The following NDUFC1 variants were observed in gnomAD, a reference collection of about 807,000 sequenced individuals.
NDUFC1 encodes the protein NADH dehydrogenase [ubiquinone] 1 subunit C1, mitochondrial.
NDUFC1 carries 11 observed loss-of-function variants against 11.6 expected under a neutral mutation model. The observed-to-expected ratio is 0.95, with a 90% confidence interval of 0.60 to 1.58. NDUFC1 has a LOEUF of 1.58. Ranked by LOEUF, NDUFC1 falls within the 40% of genes most tolerant of loss-of-function variation. NDUFC1 has a pLI of 0.00. For missense variants in NDUFC1, 112 were observed against 93.0 expected, an observed-to-expected ratio of 1.20 and a Z score of -0.84; for synonymous variants, 52 against 42.2, an observed-to-expected ratio of 1.23 and a Z score of -0.90.
intron 1 of NDUFC1, among the ~76,000 whole-genome samples, chr4:139,300,384 T>C (rs1486231973): frequency 6.6e-6 from 1 of 152,124 alleles, no homozygotes; most frequent in African/African-American, 2.4e-5. Context: ...AGTTTGAAAA[T>C]TAAAATATCT....
At chr4:139,295,251 C>T (rs911171833) in intron 3 of NDUFC1, 105 bp from the exon 4 acceptor site, 1 of 841,158 alleles carries the variant, frequency 1.2e-6, no homozygotes, top group African/African-American at 1.7e-5. Context: ...CTTCAACTCC[C>T]CCATCTCCCA....
At chr4:139,297,123 T>C (rs1326187313) in intron 2 of NDUFC1, among the ~76,000 whole-genome samples, 1 of 152,182 alleles carries the variant, frequency 6.6e-6, no homozygotes. Context: ...CGCCACTTAT[T>C]GTCCACTCAG....
intron 1 of NDUFC1, among the ~76,000 whole-genome samples, chr4:139,297,947 G>C (rs1303582398): frequency 1.3e-5 from 2 of 152,158 alleles, no homozygotes. Flanking sequence ...GTGCATGTCT[G>C]TGGTTCCAGC....
intron 1 of NDUFC1, among the ~76,000 whole-genome samples, chr4:139,298,724 A>AGAG (rs1745579284): frequency 2.0e-5 from 3 of 150,758 alleles, no homozygotes; most frequent in Non-Finnish European, 4.4e-5. Context: ...CCCAGGCCGG[A>AGAG]GAGCAGAGGT....
chr4:139,292,822 A>T (rs990685531), intron 4 of NDUFC1, among the ~76,000 whole-genome samples: 67 of 150,880 alleles, frequency 4.4e-4, no homozygotes, highest in Admixed American at 1.7e-3. Flanking sequence ...ATATATATAT[A>T]TATTTATTTA....
At chr4:139,293,227 T>C (rs1745308693) in intron 4 of NDUFC1, among the ~76,000 whole-genome samples, 1 of 152,200 alleles carries the variant, frequency 6.6e-6, no homozygotes, top group Non-Finnish European at 1.5e-5. Context: ...ACAGCACAAC[T>C]TGGTTATTAA....
chr4:139,291,385 G>A (rs557385620), intron 5 of NDUFC1, among the ~76,000 whole-genome samples: 6 of 151,850 alleles, frequency 4.0e-5, no homozygotes, highest in African/African-American at 1.4e-4. Context: ...GACCATCCTG[G>A]CCAACATGGG....
chr4:139,291,443 C>T (rs1017838008), intron 5 of NDUFC1, among the ~76,000 whole-genome samples: 6 of 151,860 alleles, frequency 4.0e-5, no homozygotes, highest in Non-Finnish European at 7.4e-5. Flanking sequence ...GGCGTGGTAG[C>T]GCGCACCTGT....
rs535086814 is a variant in NDUFC1, at chr4:139,297,599, G to C, written c.-221-156C>G. Among the ~76,000 whole-genome samples, 29 of 152,268 alleles carry C rather than the reference G, an allele frequency of 1.9e-4. No homozygotes were observed. The South Asian group carries it at 6.0e-3, about 32-fold the overall frequency. On this transcript the variant is annotated intron_variant, in intron 1 of 5. Coordinates refer to ENST00000394223, the MANE Select transcript of NDUFC1 (RefSeq NM_001184989.2). ...GTGAAAAGAGAGAGGATTTGAGTTAGCAGCTAGAAAAGCAAAGTTTCAGTC... is the reference window on the plus strand; with the variant it reads ...GTGAAAAGAGAGAGGATTTGAGTTACCAGCTAGAAAAGCAAAGTTTCAGTC...
At chr4:139,296,072 T>C (rs1018859291) in intron 2 of NDUFC1, 112 bp from the exon 3 acceptor site, 4 of 467,444 alleles carry the variant, frequency 8.6e-6, no homozygotes, top group African/African-American at 8.2e-5. Flanking sequence ...AGAGGTTTAT[T>C]AAAATTTTCC....
At position 139,295,119 on chromosome 4, in the gene NDUFC1, C is replaced by A; in HGVS notation, c.95G>T (p.Arg32Leu). The part of the protein sequence containing the change: ...GPSVRSKFYV[R>L]EPPNAKPDWL... ...GTCAGGTTTGGCATTCGGCGGCTCT[C>A]GCACGTAGAACTTTGATCGCACTGA... is the stretch of plus-strand genomic sequence containing the variant. The change falls in exon 4 of 6, where the codon CGA becomes CTA. Residue 32 changes from arginine (R) to leucine (L), a missense_variant. Transcript: ENST00000394223. The A allele has an allele frequency of 6.2e-7, 1 of 1,614,160 alleles. No individual in the cohort carries two copies. The highest frequency in any genetic ancestry group is 1.1e-5 in the South Asian group (1 of 91,090).
intron 5 of NDUFC1, among the ~76,000 whole-genome samples, chr4:139,290,823 G>T (rs1252311688): frequency 6.6e-6 from 1 of 151,684 alleles, no homozygotes; most frequent in African/African-American, 2.4e-5. Context: ...TTGAGACAGA[G>T]TCTTGTTCTG....
intron 1 of NDUFC1, among the ~76,000 whole-genome samples, chr4:139,298,742 C>T (rs963224603): frequency 1.3e-5 from 2 of 151,564 alleles, no homozygotes; most frequent in African/African-American, 2.4e-5. Context: ...GGTGTCATCA[C>T]AGCTCACTGC....
At chr4:139,295,375 G>A (rs1745417440) in intron 3 of NDUFC1, among the ~76,000 whole-genome samples, 1 of 152,186 alleles carries the variant, frequency 6.6e-6, no homozygotes, top group Non-Finnish European at 1.5e-5. Flanking sequence ...CCTCGTTTAA[G>A]GGCTTGCGGA....
chr4:139,302,006 C>T (rs937593371), intron 1 of NDUFC1: 1 of 613,272 alleles, frequency 1.6e-6, no homozygotes. Flanking sequence ...TACTATGGCC[C>T]GCGCGCCAGG....
chr4:139,294,683 C>A (rs1418426723), intron 4 of NDUFC1, among the ~76,000 whole-genome samples: 1 of 149,418 alleles, frequency 6.7e-6, no homozygotes, highest in African/African-American at 2.5e-5. Context: ...TTCAGTGAGC[C>A]GAGATCACGC....
intron 1 of NDUFC1, among the ~76,000 whole-genome samples, chr4:139,300,136 G>A (rs1240350752): frequency 1.3e-5 from 2 of 152,152 alleles, no homozygotes; most frequent in African/African-American, 4.8e-5. Context: ...GTTTTATAAA[G>A]TTAAGGTTAA....
chr4:139,295,053 A>G lies in NDUFC1; in HGVS notation c.161T>C (p.Leu54Ser), dbSNP rs1156500325. 5 of 1,613,734 alleles carry G rather than the reference A, an allele frequency of 3.1e-6. No homozygotes were observed. The highest frequency in any genetic ancestry group is 4.2e-6 in the Non-Finnish European group (5 of 1,179,790). The change falls in exon 4 of 6, where the codon TTG (leucine) becomes TCG (serine). Residue 54 changes from leucine to serine, a missense_variant. By Grantham distance (145) the Leu-to-Ser change is moderately radical. Coordinates refer to ENST00000394223, the MANE Select transcript of NDUFC1 (RefSeq NM_001184989.2). The part of the protein sequence containing the change: ...VGFTLGTTVF[L>S]WIYLIKQHNE... ...GAGTAAAGTACTTACATAGATCCAC[A>G]AGAAGACAGTGGTGCCCAAGGTGAA...
chr4:139,292,112 C>T (rs574124110), intron 5 of NDUFC1, among the ~76,000 whole-genome samples: 2 of 152,322 alleles, frequency 1.3e-5, no homozygotes, highest in East Asian at 3.9e-4. Flanking sequence ...GCTGGGATTA[C>T]AGGCGTGAGC....
Sources: gnomAD v4.1 joint callset for allele counts (sites outside exome capture counted in the v4.1 genomes callset) on GRCh38, gnomAD v4.1.1 for gene constraint, MANE v1.5 for transcripts, NCBI Gene and HGNC (gene_info 2026-07-23, HGNC 2026-07-21) for gene names.